The following LRRC37A variants were observed in gnomAD, a reference collection of about 807,000 sequenced individuals.
The protein encoded by LRRC37A is leucine-rich repeat-containing protein 37A.
In LRRC37A, 3 loss-of-function variants were observed where a neutral mutation model predicts 35.4. That is an observed-to-expected ratio of 0.08 (90% CI 0.04 to 0.22). LRRC37A has a LOEUF of 0.22. Ranked by LOEUF, LRRC37A falls within the 10% of genes least tolerant of loss-of-function variation. The probability of loss-of-function intolerance (pLI) is 1.00; values close to 1 mark genes in which losing one functional copy is unlikely to be tolerated. For missense variants in LRRC37A, 67 were observed against 565.3 expected, an observed-to-expected ratio of 0.12 and a Z score of 8.94; for synonymous variants, 23 against 215.0, an observed-to-expected ratio of 0.11 and a Z score of 7.81.
chr17:46,277,184 A>G, the LRRC37A span, among the ~76,000 whole-genome samples: 228 of 152,328 alleles, frequency 1.5e-3, no homozygotes, highest in African/African-American at 5.0e-3. Flanking sequence ...TGTCAACTTC[A>G]GTATATTAAA....
At chr17:46,249,100 A>G in the LRRC37A span, among the ~76,000 whole-genome samples, 1 of 152,056 alleles carries the variant, frequency 6.6e-6, no homozygotes, top group Non-Finnish European at 1.5e-5. Context: ...CATAGAAAAG[A>G]CTTCAGCATC....
the LRRC37A span, among the ~76,000 whole-genome samples, chr17:46,277,655 T>TCCTTCC: frequency 9.0e-6 from 1 of 111,630 alleles, no homozygotes; most frequent in Non-Finnish European, 2.4e-5. Context: ...CTTTCTTTCT[T>TCCTTCC]TTTTTTTTTT....
chr17:46,305,413 TG>T (rs2143635964), intron 3 of LRRC37A, 95 bp from the exon 4 acceptor site: 2 of 386,288 alleles, frequency 5.2e-6, no homozygotes, highest in East Asian at 6.4e-5. Context: ...AGAGTTGAGA[TG>T]AAAAATAGGT....
chr17:46,288,699 GT>G (rs1567856367), upstream of LRRC37A, among the ~76,000 whole-genome samples: 1 of 130,722 alleles, frequency 7.6e-6, no homozygotes, highest in South Asian at 2.3e-4. Flanking sequence ...ACTGCATCTT[GT>G]TTTTTCTTTT....
chr17:46,268,783 A>C, the LRRC37A span: 1 of 969,742 alleles, frequency 1.0e-6, no homozygotes, highest in Non-Finnish European at 1.4e-6. Flanking sequence ...CTCCTTTAGA[A>C]GAGAGCCCAA....
At chr17:46,250,592 C>G in the LRRC37A span, among the ~76,000 whole-genome samples, 19,696 of 152,024 alleles carry the variant, frequency 0.13, 3 homozygotes, top group Middle Eastern at 0.2. Flanking sequence ...CCTCCAACAT[C>G]GGACTCCAAG....
the LRRC37A span, chr17:46,267,079 C>T: frequency 2.9e-6 from 1 of 340,846 alleles, no homozygotes; most frequent in East Asian, 6.3e-5. Flanking sequence ...ACGCGGAGCC[C>T]GGCGCCGAGC....
chr17:46,267,128 G>C, the LRRC37A span: 2 of 522,380 alleles, frequency 3.8e-6, no homozygotes, highest in Non-Finnish European at 6.6e-6. Context: ...GGACGGGCGA[G>C]AGGCGTTCTG....
the LRRC37A span, chr17:46,267,308 GT>G: frequency 8.6e-6 from 12 of 1,395,224 alleles, no homozygotes; most frequent in Non-Finnish European, 8.7e-6. Context: ...TTCCCAAACT[GT>G]TTTTTGGAAG....
the LRRC37A span, among the ~76,000 whole-genome samples, chr17:46,283,847 G>C: frequency 4.6e-5 from 7 of 152,218 alleles, no homozygotes; most frequent in Admixed American, 3.9e-4. Context: ...GGATAATAGT[G>C]GAGAGAAGGT....
the LRRC37A span, among the ~76,000 whole-genome samples, chr17:46,278,013 T>C: frequency 1.3e-5 from 2 of 152,092 alleles, no homozygotes; most frequent in Non-Finnish European, 2.9e-5. Flanking sequence ...TGGTGTGGTC[T>C]CCACTCACTG....
At chr17:46,324,040 G>A (rs532397561) in intron 7 of LRRC37A, among the ~76,000 whole-genome samples, 4 of 115,450 alleles carry the variant, frequency 3.5e-5, no homozygotes, top group African/African-American at 8.8e-5. Context: ...TGCAGACACC[G>A]AGGGACAACT....
chr17:46,262,141 G>A, the LRRC37A span, among the ~76,000 whole-genome samples: 2 of 152,162 alleles, frequency 1.3e-5, no homozygotes, highest in African/African-American at 4.8e-5. Flanking sequence ...GTAGAGACGG[G>A]GTTTCATCAT....
the LRRC37A span, among the ~76,000 whole-genome samples, chr17:46,262,396 A>G: frequency 6.6e-6 from 1 of 151,276 alleles, no homozygotes; most frequent in East Asian, 1.9e-4. Context: ...TTTAATTAAT[A>G]GAGATGGGAT....
chr17:46,279,055 C>T, the LRRC37A span, among the ~76,000 whole-genome samples: 1 of 152,242 alleles, frequency 6.6e-6, no homozygotes, highest in South Asian at 2.1e-4. Flanking sequence ...GCCTTGGCCT[C>T]CCAAAGTGTT....
At chr17:46,265,609 G>T in the LRRC37A span, among the ~76,000 whole-genome samples, 2 of 17,468 alleles carry the variant, frequency 1.1e-4, no homozygotes, top group Non-Finnish European at 0.016. Context: ...TTCCCATGTG[G>T]CTGGGACCAA....
At position 46,331,300 on chromosome 17, in the gene LRRC37A, G is replaced by A. The variant is rs776521338; in HGVS notation, c.4023G>A (p.Arg1341=). 1.0e-5 allele frequency: 13 copies of A among 1,269,612 alleles called. 5 individuals are homozygous for A. The East Asian group carries it at 3.2e-4, about 32-fold the overall frequency. The allele number at this position is 1,269,612 out of a possible 1,614,324, so 78.6% of individuals were successfully genotyped here. ...TGAGTAGACTGATGCTCGCAAACAG[G>A]CTTCCATTCTCTGCAGCGAAGAGCC... Residue 1341 remains arginine, a synonymous_variant, in exon 9 of 14, where the codon AGG becomes AGA. Transcript: ENST00000320254.
the LRRC37A span, among the ~76,000 whole-genome samples, chr17:46,255,131 C>T: frequency 6.6e-6 from 1 of 152,028 alleles, no homozygotes. Context: ...CCATCAAGCC[C>T]AGCCCTGCCC....
the LRRC37A span, among the ~76,000 whole-genome samples, chr17:46,276,559 A>G: frequency 6.6e-6 from 1 of 152,386 alleles, no homozygotes; most frequent in African/African-American, 2.4e-5. Context: ...ATGATGAATT[A>G]TAACAAAGTG....
Sources: allele counts gnomAD v4.1 joint callset (sites outside exome capture counted in the v4.1 genomes callset), GRCh38; gene constraint gnomAD v4.1.1; transcripts MANE v1.5; gene names NCBI Gene and HGNC (gene_info 2026-07-23, HGNC 2026-07-21).